The following GPR39 variants were observed in gnomAD, a reference collection of about 807,000 sequenced individuals.
The protein encoded by GPR39 is zinc sensing receptor.
In GPR39, 23 loss-of-function variants were observed where a neutral mutation model predicts 18.4. The observed-to-expected ratio is 1.25, with a 90% CI of 0.90 to 1.77. The LOEUF (loss-of-function observed/expected upper bound fraction) is 1.77, where lower values mean the gene tolerates loss of function less well. GPR39 is among the 40% of genes most tolerant of loss of function. The probability of loss-of-function intolerance (pLI) is 0.00; values close to 1 mark genes in which losing one functional copy is unlikely to be tolerated. For synonymous variants in GPR39, 280 were observed against 257.9 expected (o/e 1.09, Z -0.82); for missense variants, 647 against 602.4 (o/e 1.07, Z -0.78).
chr2:132,575,618 G>T (rs1680516962), intron 1 of GPR39, among the ~76,000 whole-genome samples: 1 of 152,152 alleles, frequency 6.6e-6, no homozygotes, highest in African/African-American at 2.4e-5. Flanking sequence ...ATCTGGTGTT[G>T]TCACTATTTT....
chr2:132,435,310 C>T (rs1680293503), intron 1 of GPR39, among the ~76,000 whole-genome samples: 1 of 152,052 alleles, frequency 6.6e-6, no homozygotes, highest in Non-Finnish European at 1.5e-5. Context: ...CCTCGTTCTC[C>T]TCAGCCTATT....
At chr2:132,456,295 C>T (rs1198354130) in intron 1 of GPR39, among the ~76,000 whole-genome samples, 2 of 106,818 alleles carry the variant, frequency 1.9e-5, no homozygotes, top group African/African-American at 6.8e-5. Flanking sequence ...ATTAGGATTG[C>T]AACCCCTGCT....
intron 1 of GPR39, among the ~76,000 whole-genome samples, chr2:132,533,864 T>C (rs1312315233): frequency 1.3e-5 from 2 of 152,160 alleles, no homozygotes; most frequent in African/African-American, 2.4e-5. Flanking sequence ...AAGACTTACA[T>C]GTTAGACCTA....
chr2:132,601,844 A>G (rs996804635), intron 1 of GPR39, among the ~76,000 whole-genome samples: 3 of 152,150 alleles, frequency 2.0e-5, no homozygotes, highest in Non-Finnish European at 2.9e-5. Context: ...TTAGAAATGC[A>G]TTTAACCAAA....
chr2:132,459,398 C>A (rs1680792132), intron 1 of GPR39, among the ~76,000 whole-genome samples: 1 of 152,202 alleles, frequency 6.6e-6, no homozygotes, highest in Non-Finnish European at 1.5e-5. Context: ...CTCGTTCTCT[C>A]CCTCTCCAGG....
chr2:132,578,292 T>G (rs1005521121), intron 1 of GPR39, among the ~76,000 whole-genome samples: 12 of 152,170 alleles, frequency 7.9e-5, no homozygotes, highest in African/African-American at 2.7e-4. Flanking sequence ...TTACTGATAC[T>G]TTGTTAAAGA....
chr2:132,485,568 A>G lies in GPR39; in HGVS notation c.856+67670A>G, dbSNP rs56952809. 7.4e-3 allele frequency among the ~76,000 whole-genome samples: 1,120 copies of G among 152,336 alleles called. 14 individuals are homozygous for G. The highest frequency in any genetic ancestry group is 0.025 in the African/African-American group (1,059 of 41,582). On this transcript the variant is annotated intron_variant, in intron 1 of 1. Coordinates refer to ENST00000329321, the MANE Select transcript of GPR39 (RefSeq NM_001508.3). ...GTCTAAGTAATATTCTAAAGCCTTCATTGTCATTTCAACAATGCTTATAAC... is the reference window on the plus strand; with the variant it reads ...GTCTAAGTAATATTCTAAAGCCTTCGTTGTCATTTCAACAATGCTTATAAC...
At chr2:132,486,497 C>A (rs1440238955) in intron 1 of GPR39, among the ~76,000 whole-genome samples, 1 of 152,216 alleles carries the variant, frequency 6.6e-6, no homozygotes, top group African/African-American at 2.4e-5. Flanking sequence ...AGTGTAGCCA[C>A]CTTCATCTAC....
At chr2:132,572,301 C>T (rs534677137) in intron 1 of GPR39, among the ~76,000 whole-genome samples, 10 of 152,264 alleles carry the variant, frequency 6.6e-5, no homozygotes, top group Admixed American at 4.6e-4. Flanking sequence ...TTTTCAGCAC[C>T]TCTTTCTTTC....
At chr2:132,580,076 A>G (rs1423076701) in intron 1 of GPR39, among the ~76,000 whole-genome samples, 1 of 152,272 alleles carries the variant, frequency 6.6e-6, no homozygotes, top group Non-Finnish European at 1.5e-5. Flanking sequence ...CAAAATGATT[A>G]CAAGTATGGG....
At chr2:132,623,432 A>G (rs1681482269) in intron 1 of GPR39, among the ~76,000 whole-genome samples, 1 of 152,208 alleles carries the variant, frequency 6.6e-6, no homozygotes, top group Admixed American at 6.5e-5. Context: ...AAGAGTAAGA[A>G]AAGAATGGAG....
At chr2:132,526,898 C>CT (rs1386417278) in intron 1 of GPR39, among the ~76,000 whole-genome samples, 2 of 152,066 alleles carry the variant, frequency 1.3e-5, no homozygotes, top group Admixed American at 6.6e-5. Context: ...GTGCTAGACC[C>CT]TTTTTTTAAA....
chr2:132,618,808 G>T (rs1681383759), intron 1 of GPR39, among the ~76,000 whole-genome samples: 1 of 152,232 alleles, frequency 6.6e-6, no homozygotes, highest in East Asian at 1.9e-4. Context: ...ATGCCAGGCT[G>T]CTGGCCTGTG....
intron 1 of GPR39, among the ~76,000 whole-genome samples, chr2:132,538,007 G>A (rs1679790135): frequency 6.6e-6 from 1 of 151,994 alleles, no homozygotes; most frequent in African/African-American, 2.4e-5. Context: ...CTTTAGCTCA[G>A]CGGAGTTTGT....
At chr2:132,582,456 A>G (rs1391159832) in intron 1 of GPR39, among the ~76,000 whole-genome samples, 1 of 152,180 alleles carries the variant, frequency 6.6e-6, no homozygotes, top group South Asian at 2.1e-4. Context: ...TGGCTGGGAG[A>G]AGGCCAGATG....
intron 1 of GPR39, among the ~76,000 whole-genome samples, chr2:132,482,476 C>T (rs1681253216): frequency 6.6e-6 from 1 of 152,118 alleles, no homozygotes; most frequent in African/African-American, 2.4e-5. Context: ...GCTGGGCTGG[C>T]ACAGGTACAT....
intron 1 of GPR39, among the ~76,000 whole-genome samples, chr2:132,635,949 A>AT (rs1301434894): frequency 6.6e-6 from 1 of 152,152 alleles, no homozygotes; most frequent in African/African-American, 2.4e-5. Flanking sequence ...CTCACCCAGC[A>AT]CCAAATCGGC....
At chr2:132,490,794 C>T (rs1176454135) in intron 1 of GPR39, among the ~76,000 whole-genome samples, 1 of 152,092 alleles carries the variant, frequency 6.6e-6, no homozygotes, top group East Asian at 1.9e-4. Flanking sequence ...AAAGAGGAGC[C>T]TCCAGGGACC....
In GPR39 at chr2:132,645,378, G is replaced by C; in HGVS notation, c.1134G>C (p.Ala378=). The C allele has an allele frequency of 6.2e-7, 1 of 1,613,750 alleles. No individual in the cohort carries two copies. The highest frequency in any genetic ancestry group is 1.3e-5 in the African/African-American group (1 of 75,054). Residue 378 remains alanine, a synonymous_variant, in exon 2 of 2, where the codon GCG becomes GCC. Transcript: ENST00000329321. ...ANHEKRLRVH[A]HSTTDSARFV... ...ACGAGAAGCGCCTGCGCGTACATGC[G>C]CACTCCACCACCGACAGCGCCCGCT...
Sources: allele counts gnomAD v4.1 joint callset (sites outside exome capture counted in the v4.1 genomes callset), GRCh38; gene constraint gnomAD v4.1.1; transcripts MANE v1.5; gene names NCBI Gene and HGNC (gene_info 2026-07-23, HGNC 2026-07-21).